Variants in ARAP2 observed in about 807,000 individuals in gnomAD.
ARAP2 encodes the protein arf-GAP with Rho-GAP domain, ANK repeat and PH domain-containing protein 2.
A neutral mutation model predicts 194.5 loss-of-function variants in ARAP2; 148 were observed. That is an observed-to-expected ratio of 0.76 (90% confidence interval 0.67 to 0.87). The LOEUF (loss-of-function observed/expected upper bound fraction) is 0.87, where lower values mean the gene tolerates loss of function less well. ARAP2 is among the 40% of genes least tolerant of loss of function. The probability of loss-of-function intolerance (pLI) is 0.00; values close to 1 mark genes in which losing one functional copy is unlikely to be tolerated. For missense variants in ARAP2, 2,128 were observed against 1,989.7 expected (o/e 1.07, Z -1.32); for synonymous variants, 695 against 683.5 (o/e 1.02, Z -0.26).
intron 1 of ARAP2, among the ~76,000 whole-genome samples, chr4:36,242,086 G>A (rs1171999034): frequency 6.6e-6 from 1 of 152,126 alleles, no homozygotes; most frequent in African/African-American, 2.4e-5. Context: ...TATTTAATCT[G>A]GCCAATACTT....
At chr4:36,057,089 T>A (rs1299629195) in intron 2 of ARAP2, among the ~76,000 whole-genome samples, 2 of 151,832 alleles carry the variant, frequency 1.3e-5, no homozygotes, top group African/African-American at 4.8e-5. Flanking sequence ...TGAGGAAATC[T>A]CTTTTTCCAA....
At chr4:36,026,851 T>C (rs899140377) in intron 5 of ARAP2, among the ~76,000 whole-genome samples, 2 of 152,230 alleles carry the variant, frequency 1.3e-5, no homozygotes, top group African/African-American at 4.8e-5. Context: ...ACACTAAAAT[T>C]GTTTTTGTCA....
Position 36,058,431 on chromosome 4 carries a change from G to A in ARAP2, n.148-288C>T, listed in dbSNP as rs74971117. ...AAAAAATCATCTCAACCTGAGCAAA[G>A]ACTAGATTTTCAACTTTTTGTCCTG... is the stretch of plus-strand genomic sequence containing the variant. On this transcript the variant is annotated intron_variant and non_coding_transcript_variant, in intron 1 of 12. Coordinates refer to the ARAP2 transcript ENST00000503225. Among the ~76,000 whole-genome samples the A allele has an allele frequency of 6.2e-4, 95 of 152,252 alleles. No individual in the cohort carries two copies. The East Asian group carries it at 0.018, about 28-fold the overall frequency.
At chr4:36,094,611 A>G (rs1714687407) in intron 27 of ARAP2, among the ~76,000 whole-genome samples, 4 of 152,162 alleles carry the variant, frequency 2.6e-5, no homozygotes, top group Admixed American at 2.6e-4. Flanking sequence ...CACAACAGAA[A>G]GGGAAAAGGC....
intron 2 of ARAP2, among the ~76,000 whole-genome samples, chr4:36,226,902 T>C (rs969050915): frequency 1.3e-5 from 2 of 152,176 alleles, no homozygotes; most frequent in Non-Finnish European, 2.9e-5. Flanking sequence ...TGTGTACACA[T>C]AGTAAACCCT....
At chr4:36,205,393 T>C (rs1057150667) in intron 6 of ARAP2, among the ~76,000 whole-genome samples, 3 of 151,998 alleles carry the variant, frequency 2.0e-5, no homozygotes, top group Non-Finnish European at 2.9e-5. Flanking sequence ...TATGAAGAGG[T>C]TGGAGGTAAG....
Position 36,066,990 on chromosome 4 carries a change from T to C in ARAP2, c.*917A>G, listed in dbSNP as rs193064575. ...CAAACAAAACAACAGGACCCTGTGG[T>C]GATGAATTTTGTTCGTACCAAAAGT... On this transcript the variant is annotated 3_prime_UTR_variant, in exon 33 of 33. Coordinates refer to ENST00000303965, the MANE Select transcript of ARAP2 (RefSeq NM_015230.4). The C allele has an allele frequency of 6.6e-6, 1 of 152,318 alleles. No individual in the cohort carries two copies. Among genetic ancestry groups the C allele is most frequent in the Admixed American group, 6.5e-5 (1 of 15,294 alleles). 9.4% of individuals were successfully genotyped at this position (152,318 alleles called of 1,614,324 possible).
intron 8 of ARAP2, among the ~76,000 whole-genome samples, chr4:36,180,527 T>C (rs1296971347): frequency 6.6e-6 from 1 of 152,240 alleles, no homozygotes; most frequent in Admixed American, 6.5e-5. Context: ...TGGTTATTAC[T>C]TGTGATCGTT....
At chr4:36,166,191 T>C (rs941425852) in intron 10 of ARAP2, among the ~76,000 whole-genome samples, 2 of 152,134 alleles carry the variant, frequency 1.3e-5, no homozygotes, top group Non-Finnish European at 2.9e-5. Flanking sequence ...AAATTCCTAA[T>C]TGTTAGTCCT....
chr4:36,104,643 A>G (rs539294457), intron 27 of ARAP2, among the ~76,000 whole-genome samples: 1 of 152,002 alleles, frequency 6.6e-6, no homozygotes, highest in Non-Finnish European at 1.5e-5. Flanking sequence ...AATATTACAG[A>G]TTCCTTAAAA....
chr4:36,136,785 G>GTA (rs771488657), intron 19 of ARAP2, among the ~76,000 whole-genome samples: 1 of 111,448 alleles, frequency 9.0e-6, no homozygotes, highest in Non-Finnish European at 2.0e-5. Flanking sequence ...TCAAATATAT[G>GTA]TGTGTGTGTG....
chr4:36,018,869 G>T (rs1716372625), intron 6 of ARAP2, among the ~76,000 whole-genome samples: 1 of 152,116 alleles, frequency 6.6e-6, no homozygotes, highest in African/African-American at 2.4e-5. Flanking sequence ...CCACCTTCCT[G>T]TTGTCTTGAA....
At position 36,214,488 on chromosome 4, in the gene ARAP2, A is replaced by G; in HGVS notation, c.906-8T>C. The G allele has an allele frequency of 6.3e-7, 1 of 1,589,632 alleles. No homozygotes were observed. The highest frequency in any genetic ancestry group is 1.1e-5 in the South Asian group (1 of 87,392). On this transcript the variant is annotated splice_region_variant and splice_polypyrimidine_tract_variant and intron_variant, in intron 2 of 32. Transcript: ENST00000303965. Reference sequence around the variant, plus strand: ...CTTCTTTCACGGAAATAGCTTAAAAAGCAAAGGAGAAAATACTTATGAGTG... The same window carrying G: ...CTTCTTTCACGGAAATAGCTTAAAAGGCAAAGGAGAAAATACTTATGAGTG...
At chr4:36,124,819 T>A in intron 22 of ARAP2, 43 bp downstream of exon 22, 1 of 1,187,056 alleles carries the variant, frequency 8.4e-7, no homozygotes, top group Non-Finnish European at 1.2e-6. Context: ...ACTTATTGAG[T>A]GCTGTGTTTG....
intron 3 of ARAP2, among the ~76,000 whole-genome samples, chr4:36,048,269 T>C (rs1014140548): frequency 4.6e-5 from 7 of 152,228 alleles, no homozygotes; most frequent in African/African-American, 1.7e-4. Flanking sequence ...AGGAGGTACA[T>C]AAGCAGGTTT....
At chr4:36,147,896 G>T in intron 17 of ARAP2, 150 bp from the exon 18 acceptor site, 2 of 692,864 alleles carry the variant, frequency 2.9e-6, no homozygotes, top group South Asian at 2.1e-5. Flanking sequence ...AACTAAACTT[G>T]CTATCAGTCT....
In ARAP2 at chr4:36,117,212, A is replaced by G. The variant is rs746574687; in HGVS notation, c.3964-77T>C. ...CATATTTGAAACTGAAGACAGCTAT[A>G]AAGCCCCAGTCATATTTCTGAATAT... On this transcript the variant is annotated intron_variant, in intron 24 of 32. Coordinates refer to ENST00000303965, the MANE Select transcript of ARAP2 (RefSeq NM_015230.4). 67 of 986,112 alleles carry G rather than the reference A, an allele frequency of 6.8e-5. 1 individual carries two copies. Among genetic ancestry groups the G allele is most frequent in the Non-Finnish European group, 8.8e-5 (61 of 690,548 alleles). The allele number at this position is 986,112 out of a possible 1,614,324, so 61.1% of individuals were successfully genotyped here. A position where few individuals can be genotyped will look rare whatever the true frequency, so the allele number is the denominator to read the frequency against.
rs781509000 is a variant in ARAP2, at chr4:36,199,604, T to C, written c.1488-5957A>G. On this transcript the variant is annotated intron_variant, in intron 6 of 32. Transcript: ENST00000303965. ...CACGCCTGACCAAATTAAAAACTTT[T>C]TAACCAACATCTCACCCTTAACCCC... 4.6e-3 allele frequency among the ~76,000 whole-genome samples: 699 copies of C among 152,290 alleles called. 2 individuals carry two copies. Among genetic ancestry groups the C allele is most frequent in the Non-Finnish European group, 6.2e-3 (423 of 68,026 alleles).
At chr4:36,168,134 T>C (rs920270568) in intron 9 of ARAP2, among the ~76,000 whole-genome samples, 1 of 152,144 alleles carries the variant, frequency 6.6e-6, no homozygotes, top group Admixed American at 6.5e-5. Context: ...AAAAGAAGTG[T>C]ATTCTCCTCT....
Sources: gnomAD v4.1 joint callset for allele counts (sites outside exome capture counted in the v4.1 genomes callset) on GRCh38, gnomAD v4.1.1 for gene constraint, MANE v1.5 for transcripts, NCBI Gene and HGNC (gene_info 2026-07-23, HGNC 2026-07-21) for gene names.